FYN: variants seen among roughly 807,000 people sequenced by gnomAD.
The protein encoded by FYN is tyrosine-protein kinase Fyn.
Under a neutral mutation model 70.2 loss-of-function variants are expected in FYN, and 10 were observed. The observed-to-expected ratio is 0.14, with a 90% confidence interval of 0.09 to 0.24. The LOEUF (loss-of-function observed/expected upper bound fraction) is 0.24. FYN is among the 10% of genes least tolerant of loss of function. The pLI, the probability that FYN is intolerant of heterozygous loss-of-function variation, is 1.00. For missense variants in FYN, 319 were observed against 673.1 expected (o/e 0.47, Z 5.82); for synonymous variants, 236 against 248.6 (o/e 0.95, Z 0.48).
intron 13 of FYN, among the ~76,000 whole-genome samples, chr6:111,673,161 G>A (rs772238680): frequency 3.9e-5 from 6 of 152,032 alleles, no homozygotes; most frequent in Non-Finnish European, 2.9e-5. Context: ...CCTGAGACCC[G>A]CACATTTCCC....
chr6:111,757,799 TTC>T (rs1802806215), intron 3 of FYN, among the ~76,000 whole-genome samples: 1 of 152,222 alleles, frequency 6.6e-6, no homozygotes, highest in Admixed American at 6.5e-5. Flanking sequence ...TTCTAAGAAC[TTC>T]TTGATCCAAT....
At chr6:111,818,257 C>T (rs1319884650) in intron 2 of FYN, among the ~76,000 whole-genome samples, 1 of 152,174 alleles carries the variant, frequency 6.6e-6, no homozygotes, top group Non-Finnish European at 1.5e-5. Context: ...ACATACACAT[C>T]TACCACTTCC....
chr6:111,661,462 C>T lies in FYN; in HGVS notation c.*277G>A, dbSNP rs181060888. Reference sequence around the variant, plus strand: ...GTTGGCACTGGAGTAACTATTTACACTGAACAGAGGTTTGGCCTTTTACAT... The same window carrying T: ...GTTGGCACTGGAGTAACTATTTACATTGAACAGAGGTTTGGCCTTTTACAT... On this transcript the variant is annotated 3_prime_UTR_variant, in exon 14 of 14. Coordinates refer to ENST00000354650, the MANE Select transcript of FYN (RefSeq NM_002037.5). The surrounding 1 kb of genome is among the most constrained non-coding windows in gnomAD (Gnocchi z 4.0). The T allele has an allele frequency of 3.6e-4, 121 of 336,418 alleles. No individual in the cohort carries two copies. The highest frequency in any genetic ancestry group is 8.5e-4 in the Middle Eastern group (1 of 1,174). The allele number at this position is 336,418 out of a possible 1,614,324, so 20.8% of individuals were successfully genotyped here.
At chr6:111,774,976 C>T (rs1803649803) in intron 3 of FYN, among the ~76,000 whole-genome samples, 1 of 152,214 alleles carries the variant, frequency 6.6e-6, no homozygotes, top group African/African-American at 2.4e-5. Context: ...GCCTTAGCCT[C>T]CCAAAGTGCT....
At chr6:111,787,897 C>T (rs1430586453) in intron 2 of FYN, among the ~76,000 whole-genome samples, 1 of 152,236 alleles carries the variant, frequency 6.6e-6, no homozygotes, top group African/African-American at 2.4e-5. Context: ...ACAAACTTTT[C>T]AGCTTTGCAC....
intron 1 of FYN, among the ~76,000 whole-genome samples, chr6:111,868,376 A>G (rs557768905): frequency 6.6e-5 from 10 of 152,322 alleles, no homozygotes; most frequent in African/African-American, 2.4e-4. Flanking sequence ...AAACTTATAC[A>G]GACCTAATTG....
chr6:111,799,499 C>T (rs1771916363), intron 2 of FYN, among the ~76,000 whole-genome samples: 1 of 152,228 alleles, frequency 6.6e-6, no homozygotes, highest in Non-Finnish European at 1.5e-5. Context: ...GAAAGTGCAA[C>T]TCTAACCCCC....
intron 2 of FYN, among the ~76,000 whole-genome samples, chr6:111,834,270 ATTGT>A (rs1773110177): frequency 1.3e-5 from 2 of 149,834 alleles, no homozygotes; most frequent in Non-Finnish European, 1.5e-5. Flanking sequence ...GAGTAAGAGG[ATTGT>A]TTATTTCTCT....
At chr6:111,806,609 T>C (rs1215392548) in intron 2 of FYN, among the ~76,000 whole-genome samples, 1 of 152,200 alleles carries the variant, frequency 6.6e-6, no homozygotes, top group Non-Finnish European at 1.5e-5. Context: ...GTGACCCTCA[T>C]AGGACCTTTG....
At chr6:111,772,575 T>C (rs1261557060) in intron 3 of FYN, among the ~76,000 whole-genome samples, 1 of 152,194 alleles carries the variant, frequency 6.6e-6, no homozygotes, top group African/African-American at 2.4e-5. Context: ...CCTGATGTGA[T>C]ATAATATCAG....
chr6:111,689,751 A>G (rs1042829995), intron 12 of FYN, among the ~76,000 whole-genome samples: 23 of 152,180 alleles, frequency 1.5e-4, no homozygotes, highest in African/African-American at 5.3e-4. Flanking sequence ...GAAAAGGGGA[A>G]AAAAGGCTAT....
At chr6:111,796,866 C>T (rs922177397) in intron 2 of FYN, among the ~76,000 whole-genome samples, 5 of 152,140 alleles carry the variant, frequency 3.3e-5, no homozygotes, top group Non-Finnish European at 7.4e-5. Context: ...GTCAGGATTA[C>T]TAAACAGAAA....
Position 111,861,826 on chromosome 6 carries a change from G to T in FYN, c.-123+11142C>A, listed in dbSNP as rs549888713. Among the ~76,000 whole-genome samples, 43 of 152,304 alleles carry T rather than the reference G, an allele frequency of 2.8e-4. No individual in the cohort carries two copies. The Middle Eastern group carries it at 0.034, about 120-fold the overall frequency. On this transcript the variant is annotated intron_variant, in intron 1 of 13. Transcript: ENST00000354650. Reference sequence around the variant, plus strand: ...CCATGGAAAACATTTTATAAAGCTTGTTTTCAATCATTCTTTTGAAGGATA... The same window carrying T: ...CCATGGAAAACATTTTATAAAGCTTTTTTTCAATCATTCTTTTGAAGGATA...
chr6:111,798,627 G>C (rs971883763), intron 2 of FYN, among the ~76,000 whole-genome samples: 2 of 152,100 alleles, frequency 1.3e-5, no homozygotes, highest in Non-Finnish European at 2.9e-5. Context: ...GGGCAGACCT[G>C]TTCTCAATTC....
chr6:111,669,610 C>T (rs1292936903), intron 13 of FYN, among the ~76,000 whole-genome samples: 1 of 152,064 alleles, frequency 6.6e-6, no homozygotes, highest in Non-Finnish European at 1.5e-5. Context: ...TCCAGAAGAA[C>T]TTTGAGGACA....
chr6:111,858,529 C>T (rs1340104519), intron 1 of FYN: 2 of 152,174 alleles, frequency 1.3e-5, no homozygotes, highest in Non-Finnish European at 2.9e-5. Context: ...TGCTTGGAAA[C>T]CACAAACCAT....
At position 111,717,592 on chromosome 6, in the gene FYN, G is replaced by C. The variant is rs916613941; in HGVS notation, c.247+2213C>G. ...TTCTCCTGCCTCAGCCTCCCGAGTA[G>C]CTGGGATTACAGGCGCCCACCACCA... On this transcript the variant is annotated intron_variant, in intron 4 of 13. Transcript: ENST00000354650. 3.3e-5 allele frequency among the ~76,000 whole-genome samples: 5 copies of C among 152,054 alleles called. No individual in the cohort carries two copies. In the East Asian group the frequency reaches 9.7e-4, roughly 29 times the overall value.
intron 13 of FYN, among the ~76,000 whole-genome samples, chr6:111,671,115 C>T (rs1368734765): frequency 6.6e-6 from 1 of 152,202 alleles, no homozygotes; most frequent in Non-Finnish European, 1.5e-5. Context: ...AGCAACCTTC[C>T]TCATCTGGTA....
intron 1 of FYN, among the ~76,000 whole-genome samples, chr6:111,856,614 G>T (rs1301142910): frequency 6.6e-6 from 1 of 151,780 alleles, no homozygotes; most frequent in African/African-American, 2.4e-5. Flanking sequence ...CTATTTTATA[G>T]GTCTAACATA....
Sources: gnomAD v4.1 joint callset for allele counts (sites outside exome capture counted in the v4.1 genomes callset) on GRCh38, gnomAD v4.1.1 for gene constraint, Gnocchi (gnomAD v3.1) non-coding constraint, MANE v1.5 for transcripts, NCBI Gene and HGNC (gene_info 2026-07-23, HGNC 2026-07-21) for gene names.